Variants in HHAT observed in about 807,000 individuals in gnomAD.
HHAT encodes hedgehog acyltransferase.
Under a neutral mutation model 70.8 loss-of-function variants are expected in HHAT, and 47 were observed. The ratio of observed to expected loss-of-function variants is 0.66; its 90% CI spans 0.53 to 0.85. HHAT has a LOEUF of 0.85. HHAT is among the 40% of genes least tolerant of loss of function. The probability of loss-of-function intolerance (pLI) is 0.00; values close to 1 mark genes in which losing one functional copy is unlikely to be tolerated. For synonymous variants in HHAT, 228 were observed against 247.6 expected (o/e 0.92, Z 0.74); for missense variants, 609 against 604.8 (o/e 1.01, Z -0.07).
intron 8 of HHAT, among the ~76,000 whole-genome samples, chr1:210,486,595 G>T (rs2094475720): frequency 6.6e-6 from 1 of 152,196 alleles, no homozygotes; most frequent in African/African-American, 2.4e-5. Context: ...GACCTTCAGT[G>T]TGGGGGAAGC....
chr1:210,516,695 A>G (rs1392633020), intron 9 of HHAT, among the ~76,000 whole-genome samples: 7 of 152,074 alleles, frequency 4.6e-5, no homozygotes, highest in Admixed American at 4.6e-4. Context: ...CTTAATGTGC[A>G]GTTTGGTTTG....
At chr1:210,375,622 C>G (rs2090129155) in intron 3 of HHAT, among the ~76,000 whole-genome samples, 1 of 151,380 alleles carries the variant, frequency 6.6e-6, no homozygotes, top group African/African-American at 2.4e-5. Flanking sequence ...TATTCAGCTT[C>G]TTGAATTTGT....
intron 2 of HHAT, among the ~76,000 whole-genome samples, chr1:210,354,178 A>G (rs1324903520): frequency 2.0e-5 from 3 of 146,358 alleles, no homozygotes; most frequent in African/African-American, 7.5e-5. Context: ...TCACAAATAG[A>G]TAACTAAACA....
intron 6 of HHAT, among the ~76,000 whole-genome samples, chr1:210,406,128 G>A (rs1558452503): frequency 6.6e-6 from 1 of 152,040 alleles, no homozygotes; most frequent in Non-Finnish European, 1.5e-5. Flanking sequence ...CACAGCATAG[G>A]GTGGGTTCCT....
chr1:210,522,510 A>G (rs1045045485), intron 9 of HHAT, among the ~76,000 whole-genome samples: 2 of 152,210 alleles, frequency 1.3e-5, no homozygotes, highest in Non-Finnish European at 2.9e-5. Context: ...ACTGGCTCCC[A>G]TGGGGCTGGG....
chr1:210,370,788 GTA>G (rs972116035), intron 3 of HHAT, among the ~76,000 whole-genome samples: 4 of 151,782 alleles, frequency 2.6e-5, no homozygotes, highest in Non-Finnish European at 5.9e-5. Context: ...CTAAGTTTTT[GTA>G]TTTGTAGTAG....
At chr1:210,565,073 G>C (rs948794696) in intron 9 of HHAT, among the ~76,000 whole-genome samples, 4 of 152,176 alleles carry the variant, frequency 2.6e-5, no homozygotes, top group Non-Finnish European at 5.9e-5. Flanking sequence ...ATGGGAGGTG[G>C]GAAGGGGAAG....
chr1:210,564,119 ATT>A (rs34490631), intron 9 of HHAT, among the ~76,000 whole-genome samples: 18 of 143,030 alleles, frequency 1.3e-4, no homozygotes, highest in African/African-American at 3.6e-4. Flanking sequence ...ATGCCCAACT[ATT>A]TTTTTTTTTT....
chr1:210,572,400 G>T (rs556004562), intron 9 of HHAT, among the ~76,000 whole-genome samples: 1 of 152,042 alleles, frequency 6.6e-6, no homozygotes, highest in Admixed American at 6.6e-5. Flanking sequence ...TCAGTGTTTT[G>T]TGAGGGGTAC....
At chr1:210,442,041 C>T (rs1429142685) in intron 7 of HHAT, among the ~76,000 whole-genome samples, 1 of 141,188 alleles carries the variant, frequency 7.1e-6, no homozygotes, top group African/African-American at 2.6e-5. Context: ...TGATATTCCC[C>T]TTCCTGTGTC....
intron 8 of HHAT, among the ~76,000 whole-genome samples, chr1:210,497,785 A>G (rs1156789423): frequency 7.4e-6 from 1 of 135,172 alleles, no homozygotes; most frequent in Non-Finnish European, 1.6e-5. Context: ...TTTTTTTTTG[A>G]GACAGAGTCT....
chr1:210,559,567 A>G (rs1401139564), intron 9 of HHAT, among the ~76,000 whole-genome samples: 1 of 152,236 alleles, frequency 6.6e-6, no homozygotes, highest in East Asian at 1.9e-4. Context: ...TGGACACAGG[A>G]CTGTCTGACT....
At chr1:210,665,598 T>A in intron 11 of HHAT, among the ~76,000 whole-genome samples, 1 of 152,184 alleles carries the variant, frequency 6.6e-6, no homozygotes, top group East Asian at 1.9e-4. Context: ...GCTAGAAAAC[T>A]TGCCTTGGTG....
At chr1:210,483,077 C>T (rs1216649256) in intron 8 of HHAT, among the ~76,000 whole-genome samples, 1 of 152,144 alleles carries the variant, frequency 6.6e-6, no homozygotes, top group African/African-American at 2.4e-5. Flanking sequence ...GACATGAATG[C>T]ACTTCTTGTA....
chr1:210,577,522 G>T (rs1658103209), intron 9 of HHAT, among the ~76,000 whole-genome samples: 1 of 151,970 alleles, frequency 6.6e-6, no homozygotes, highest in African/African-American at 2.4e-5. Context: ...CACCTTAGGG[G>T]TAGATCCCAG....
chr1:210,416,666 T>A (rs1329802643), intron 6 of HHAT, among the ~76,000 whole-genome samples: 1 of 152,234 alleles, frequency 6.6e-6, no homozygotes, highest in Non-Finnish European at 1.5e-5. Flanking sequence ...ATGCCCTCAG[T>A]AGCTTCTATC....
intron 9 of HHAT, among the ~76,000 whole-genome samples, chr1:210,549,033 C>G (rs2095506774): frequency 6.6e-6 from 1 of 152,192 alleles, no homozygotes; most frequent in Admixed American, 6.5e-5. Context: ...GAGCCTGGCT[C>G]CCAGCTTCCA....
At chr1:210,415,331 G>T (rs139654360) in intron 6 of HHAT, among the ~76,000 whole-genome samples, 1 of 152,138 alleles carries the variant, frequency 6.6e-6, no homozygotes. Context: ...CATAGACTTC[G>T]TAGGGTCTCT....
chr1:210,367,606 T>A (rs1327831624), intron 3 of HHAT, among the ~76,000 whole-genome samples: 1 of 152,072 alleles, frequency 6.6e-6, no homozygotes, highest in African/African-American at 2.4e-5. Context: ...AAGAATGTAT[T>A]AGGGAAATGG....
Sources: gnomAD v4.1 joint callset for allele counts (sites outside exome capture counted in the v4.1 genomes callset) on GRCh38, gnomAD v4.1.1 for gene constraint, MANE v1.5 for transcripts, NCBI Gene and HGNC (gene_info 2026-07-23, HGNC 2026-07-21) for gene names.